Variants in INIP observed in about 807,000 individuals in gnomAD.
The protein encoded by INIP is SOSS complex subunit C.
A neutral mutation model predicts 14.0 loss-of-function variants in INIP; 9 were observed. The ratio of observed to expected loss-of-function variants is 0.64; its 90% CI spans 0.39 to 1.12. The LOEUF (loss-of-function observed/expected upper bound fraction) is 1.12. INIP is among the 50% of genes most tolerant of loss of function. The pLI, the probability that INIP is intolerant of heterozygous loss-of-function variation, is 0.01. For synonymous variants in INIP, 37 were observed against 41.5 expected (o/e 0.89, Z 0.41); for missense variants, 78 against 122.7 (o/e 0.64, Z 1.72).
At chr9:112,700,976 T>C (rs191209805) in intron 2 of INIP, among the ~76,000 whole-genome samples, 9 of 152,224 alleles carry the variant, frequency 5.9e-5, no homozygotes, top group African/African-American at 2.2e-4. Context: ...AAAACAGATA[T>C]ATATATATAA....
chr9:112,688,486 C>A (rs768112289), intron 4 of INIP, among the ~76,000 whole-genome samples: 177 of 141,722 alleles, frequency 1.2e-3, no homozygotes, highest in Non-Finnish European at 2.0e-3. Flanking sequence ...TTCCCTCTGT[C>A]ATTAAAAAAA....
chr9:112,716,672 C>T (rs1037810651), intron 1 of INIP, 131 bp from the exon 2 acceptor site: 11 of 382,726 alleles, frequency 2.9e-5, no homozygotes, highest in Admixed American at 2.0e-4. Context: ...TTGTGCCGGG[C>T]GCGGTGGCTC....
chr9:112,706,205 A>G (rs1388278436), intron 2 of INIP, among the ~76,000 whole-genome samples: 1 of 152,214 alleles, frequency 6.6e-6, no homozygotes, highest in Non-Finnish European at 1.5e-5. Flanking sequence ...GCAATAACAA[A>G]CATTGGCAAG....
rs977723710 is a variant in INIP, at chr9:112,718,062, A to G, written c.-132T>C. The G allele has an allele frequency of 6.6e-6, 1 of 152,616 alleles. No individual in the cohort carries two copies. The highest frequency in any genetic ancestry group is 2.4e-5 in the African/African-American group (1 of 41,426). The allele number at this position is 152,616 out of a possible 1,614,324, so 9.5% of individuals were successfully genotyped here. On this transcript the variant is annotated 5_prime_UTR_variant, in exon 1 of 5. Coordinates refer to ENST00000374242, the MANE Select transcript of INIP (RefSeq NM_021218.3). Reference sequence around the variant, plus strand: ...AAGGGGGCGCGACCACTTAGGCAAGAGGAGCTCAACTCGCGGCACTACAAC... The same window carrying G: ...AAGGGGGCGCGACCACTTAGGCAAGGGGAGCTCAACTCGCGGCACTACAAC...
Position 112,718,097 on chromosome 9 carries a change from C to G in INIP, c.-167G>C, listed in dbSNP as rs1437565152. On this transcript the variant is annotated 5_prime_UTR_variant, in exon 1 of 5. Transcript: ENST00000374242. ...CTCGCGGCACTACAACCTTCCCGCC[C>G]CCGCTGCGCTTCCGCCTCCTGACTG... 2 of 152,704 alleles carry G rather than the reference C, an allele frequency of 1.3e-5. No individual in the cohort carries two copies. The highest frequency in any genetic ancestry group is 2.9e-5 in the Non-Finnish European group (2 of 68,084). The allele number at this position is 152,704 out of a possible 1,614,324, so 9.5% of individuals were successfully genotyped here. A position where few individuals can be genotyped will look rare whatever the true frequency, so the allele number is the denominator to read the frequency against.
At chr9:112,687,919 A>C (rs1477241318) in intron 4 of INIP, among the ~76,000 whole-genome samples, 3 of 151,924 alleles carry the variant, frequency 2.0e-5, no homozygotes, top group Non-Finnish European at 4.4e-5. Context: ...CCCCGTCTCT[A>C]CTAAAAATAC....
intron 2 of INIP, among the ~76,000 whole-genome samples, chr9:112,700,102 G>A (rs769583582): frequency 6.6e-6 from 1 of 152,136 alleles, no homozygotes; most frequent in South Asian, 2.1e-4. Flanking sequence ...TAATGGATGT[G>A]TGCCTGGGCT....
Position 112,708,714 on chromosome 9 carries a change from T to TTG in INIP, c.25+7746_25+7747insCA, listed in dbSNP as rs1838558645. Among the ~76,000 whole-genome samples the TTG allele has an allele frequency of 2.6e-5, 4 of 152,238 alleles. No homozygotes were observed. The South Asian group carries it at 8.3e-4, about 32-fold the overall frequency. On this transcript the variant is annotated intron_variant, in intron 2 of 4. Coordinates refer to ENST00000374242, the MANE Select transcript of INIP (RefSeq NM_021218.3). Reference sequence around the variant, plus strand: ...CTGCATTCATTTTCTTTATTTTTTTTGAGACAGGGTCTCACTCTGTTGTGC... The same window carrying TTG: ...CTGCATTCATTTTCTTTATTTTTTTTTGGAGACAGGGTCTCACTCTGTTGTGC...
chr9:112,687,812 G>A (rs1321435387), intron 4 of INIP, among the ~76,000 whole-genome samples, 179 bp from the exon 5 acceptor site: 8 of 152,162 alleles, frequency 5.3e-5, no homozygotes, highest in African/African-American at 1.4e-4. Context: ...TTGGCTGGGC[G>A]CGGTGGCTCA....
Position 112,684,388 on chromosome 9 carries a change from TA to T in INIP, c.*3149del, listed in dbSNP as rs777606686. 555 of 140,124 alleles carry T rather than the reference TA, an allele frequency of 4.0e-3. 1 individual carries two copies. The highest frequency in any genetic ancestry group is 4.7e-3 in the East Asian group (23 of 4,872). 8.7% of individuals were successfully genotyped at this position (140,124 alleles called of 1,614,324 possible). ...AGCAAGATGCTGTCTCTACAAAAATTAAAAAAAAAAAAAAATTAGCTGGGCA... is the reference window on the plus strand; with the variant it reads ...AGCAAGATGCTGTCTCTACAAAAATTAAAAAAAAAAAAAATTAGCTGGGCA... On this transcript the variant is annotated 3_prime_UTR_variant, in exon 5 of 5. Coordinates refer to ENST00000374242, the MANE Select transcript of INIP (RefSeq NM_021218.3).
chr9:112,693,465 TCC>T (rs1259711013), intron 3 of INIP, among the ~76,000 whole-genome samples: 1 of 152,200 alleles, frequency 6.6e-6, no homozygotes, highest in African/African-American at 2.4e-5. Flanking sequence ...AAGCCTAAAA[TCC>T]CTTTTGTTTG....
chr9:112,701,346 T>A (rs1030747218), intron 2 of INIP, among the ~76,000 whole-genome samples: 1 of 152,202 alleles, frequency 6.6e-6, no homozygotes, highest in Non-Finnish European at 1.5e-5. Context: ...AGGAGAGTTA[T>A]GTTGTTCTCA....
intron 2 of INIP, among the ~76,000 whole-genome samples, chr9:112,713,045 G>A (rs1048373553): frequency 2.6e-5 from 4 of 152,196 alleles, no homozygotes; most frequent in Admixed American, 2.0e-4. Flanking sequence ...GAGGAAATAC[G>A]TGCAAAACAT....
At chr9:112,717,287 T>C (rs899801597) in intron 1 of INIP, among the ~76,000 whole-genome samples, 2 of 152,190 alleles carry the variant, frequency 1.3e-5, no homozygotes, top group Admixed American at 1.3e-4. Context: ...GAGTACTGTA[T>C]CTGCTCTGCA....
chr9:112,693,099 T>G (rs191683228), intron 3 of INIP, among the ~76,000 whole-genome samples: 1 of 152,152 alleles, frequency 6.6e-6, no homozygotes, highest in African/African-American at 2.4e-5. Flanking sequence ...GTTAGAATGT[T>G]TACAATTTAA....
chr9:112,705,990 G>C (rs747460353), intron 2 of INIP, among the ~76,000 whole-genome samples: 2 of 152,234 alleles, frequency 1.3e-5, no homozygotes, highest in Non-Finnish European at 2.9e-5. Context: ...GGTGGTAAGA[G>C]AGAATAGATT....
intron 2 of INIP, among the ~76,000 whole-genome samples, chr9:112,715,917 G>A (rs1838798811): frequency 6.6e-6 from 1 of 152,168 alleles, no homozygotes; most frequent in African/African-American, 2.4e-5. Flanking sequence ...CACAGGGTCA[G>A]GATTATCAAG....
chr9:112,702,707 G>A (rs1381899658), intron 2 of INIP, among the ~76,000 whole-genome samples: 1 of 152,084 alleles, frequency 6.6e-6, no homozygotes. Context: ...TGGGACTACA[G>A]GCACGTGCCA....
intron 3 of INIP, among the ~76,000 whole-genome samples, 165 bp from the exon 4 acceptor site, chr9:112,689,782 G>C (rs1166254551): frequency 6.6e-6 from 1 of 152,046 alleles, no homozygotes; most frequent in Non-Finnish European, 1.5e-5. Flanking sequence ...TATTTGTTGT[G>C]AAATGGTTAA....
Sources: gnomAD v4.1 joint callset for allele counts (sites outside exome capture counted in the v4.1 genomes callset) on GRCh38, gnomAD v4.1.1 for gene constraint, MANE v1.5 for transcripts, NCBI Gene and HGNC (gene_info 2026-07-23, HGNC 2026-07-21) for gene names.